Variants in MDN1 observed in about 807,000 individuals in gnomAD.
The protein encoded by MDN1 is midasin.
MDN1 carries 266 observed loss-of-function variants against 669.2 expected under a neutral mutation model. That is an observed-to-expected ratio of 0.40 (90% CI 0.36 to 0.44). The LOEUF is 0.44. Among genes scored for constraint, MDN1 ranks in the 20% least tolerant of loss-of-function variants. The pLI is 1.00. For synonymous variants in MDN1, 2,385 were observed against 2,457.1 expected (o/e 0.97, Z 0.87); for missense variants, 5,940 against 6,754.0 (o/e 0.88, Z 4.22).
At chr6:89,685,306 C>T (rs1166957742) in intron 70 of MDN1, among the ~76,000 whole-genome samples, 4 of 152,100 alleles carry the variant, frequency 2.6e-5, no homozygotes, top group African/African-American at 9.7e-5. Flanking sequence ...ATTGTAAAAT[C>T]AGCAGAAACT....
intron 9 of MDN1, among the ~76,000 whole-genome samples, chr6:89,784,744 G>A (rs910692722): frequency 6.7e-6 from 1 of 149,778 alleles, no homozygotes; most frequent in African/African-American, 2.4e-5. Flanking sequence ...TGATACTGAG[G>A]AATTACTGTT....
At chr6:89,685,191 T>C (rs576014255) in intron 70 of MDN1, among the ~76,000 whole-genome samples, 55 of 152,220 alleles carry the variant, frequency 3.6e-4, no homozygotes, top group African/African-American at 1.3e-3. Flanking sequence ...TCCCCTATTT[T>C]TCACTTCTGC....
At chr6:89,668,969 T>G (rs1021460181) in intron 83 of MDN1, among the ~76,000 whole-genome samples, 1 of 152,248 alleles carries the variant, frequency 6.6e-6, no homozygotes, top group Non-Finnish European at 1.5e-5. Flanking sequence ...CAGTTTGGCT[T>G]ACTTGCTTAA....
At chr6:89,651,633 T>G (rs913811673) in intron 95 of MDN1, among the ~76,000 whole-genome samples, 2 of 151,970 alleles carry the variant, frequency 1.3e-5, no homozygotes, top group African/African-American at 4.8e-5. Context: ...TGAAAAAAAG[T>G]AAAAATGCTA....
At chr6:89,689,392 T>G (rs1812230462) in intron 65 of MDN1, among the ~76,000 whole-genome samples, 1 of 152,186 alleles carries the variant, frequency 6.6e-6, no homozygotes, top group Non-Finnish European at 1.5e-5. Flanking sequence ...GAAAGGAAAC[T>G]TAAAGCCTCC....
At chr6:89,750,199 T>A (rs1816868361) in intron 24 of MDN1, among the ~76,000 whole-genome samples, 155 bp downstream of exon 24, 1 of 152,176 alleles carries the variant, frequency 6.6e-6, no homozygotes, top group African/African-American at 2.4e-5. Context: ...ACCTTATGCA[T>A]CACCCCTTAA....
rs951715488 is a variant in MDN1, at chr6:89,743,717, G to A, written c.4179-3C>T. ...GACAGATAGTAGTTTTCCCACACCT[G>A]TTAGAGATGTGCAACTGATTAACAA... is the stretch of plus-strand genomic sequence containing the variant. On this transcript the variant is annotated splice_polypyrimidine_tract_variant and splice_region_variant and intron_variant, in intron 29 of 101. Transcript: ENST00000369393. 3.1e-6 allele frequency: 5 copies of A among 1,613,174 alleles called. No homozygotes were observed. The African/African-American group carries it at 4.0e-5, about 13-fold the overall frequency.
chr6:89,703,696 A>G (rs1403450780), intron 53 of MDN1, among the ~76,000 whole-genome samples: 4 of 152,154 alleles, frequency 2.6e-5, no homozygotes, highest in African/African-American at 7.2e-5. Flanking sequence ...TTGAAAATCA[A>G]TGTGAACCTG....
At chr6:89,669,874 G>C (rs893042914) in intron 83 of MDN1, among the ~76,000 whole-genome samples, 1 of 151,536 alleles carries the variant, frequency 6.6e-6, no homozygotes, top group Non-Finnish European at 1.5e-5. Flanking sequence ...TCACAATACC[G>C]GGTACATGGC....
At chr6:89,722,807 T>G in intron 40 of MDN1, 148 bp downstream of exon 40, 1 of 672,736 alleles carries the variant, frequency 1.5e-6, no homozygotes, top group Non-Finnish European at 2.4e-6. Context: ...GATTATGCCA[T>G]TGCACTCCAG....
chr6:89,796,341 A>AAGC (rs1554199820), intron 2 of MDN1, among the ~76,000 whole-genome samples: 1 of 110,220 alleles, frequency 9.1e-6, no homozygotes. Flanking sequence ...AAAAAAAAAA[A>AAGC]AAAAAAAAAC....
At chr6:89,812,263 C>T (rs1389408150) in intron 1 of MDN1, among the ~76,000 whole-genome samples, 2 of 146,724 alleles carry the variant, frequency 1.4e-5, no homozygotes, top group East Asian at 2.0e-4. Context: ...GGATTACAGG[C>T]GTGAGCCACC....
chr6:89,648,100 T>G lies in MDN1; in HGVS notation c.16327A>C (p.Ser5443Arg), dbSNP rs1209482541. The G allele has an allele frequency of 1.2e-6, 2 of 1,614,230 alleles. No individual in the cohort carries two copies. Among genetic ancestry groups the G allele is most frequent in the South Asian group, 2.2e-5 (2 of 91,086 alleles). The change falls in exon 99 of 102, where the codon AGT becomes CGT. Residue 5443 changes from serine to arginine, a missense_variant. By Grantham distance (110) the Ser-to-Arg change is moderately radical (BLOSUM62 -1). Around this residue, in one of 5 missense-constraint regions of MDN1, gnomAD observed 2,280 missense variants for 2,576.3 expected, o/e 0.88. Transcript: ENST00000369393. ...AGAATCTGGGACCCAGAGTAATCAC[T>G]GAACTGCTCATGAAATGGGTGTAAC... ...KLLHPFHEQF[S>R]DYSGSQILRL...
chr6:89,710,732 G>A lies in MDN1; in HGVS notation c.7714C>T (p.Leu2572Phe). 2 of 1,602,830 alleles carry A rather than the reference G, an allele frequency of 1.2e-6. No homozygotes were observed. The highest frequency in any genetic ancestry group is 1.7e-6 in the Non-Finnish European group (2 of 1,175,898). The change falls in exon 50 of 102, where the codon CTC (leucine) becomes TTC (phenylalanine). Residue 2572 changes from leucine (L) to phenylalanine (F), a missense_variant. Around this residue, in one of 5 missense-constraint regions of MDN1, gnomAD observed 2,292 missense variants for 2,638.3 expected, o/e 0.87. Transcript: ENST00000369393. ...AAAACATTACTGACTGCACCTGAGA[G>A]GGAATGTGAGTAAAAATTCCTGAGA... is the stretch of plus-strand genomic sequence containing the variant. ...ASLRNFYSHS[L>F]SGAVSNVFKI... is the part of the protein sequence containing the mutation.
At chr6:89,727,544 A>C (rs1815317130) in intron 37 of MDN1, among the ~76,000 whole-genome samples, 2 of 152,220 alleles carry the variant, frequency 1.3e-5, no homozygotes, top group African/African-American at 2.4e-5. Flanking sequence ...ATAAATGCAG[A>C]AACGGCAAGC....
intron 15 of MDN1, among the ~76,000 whole-genome samples, chr6:89,767,217 C>T (rs1817842889): frequency 6.6e-6 from 1 of 152,142 alleles, no homozygotes; most frequent in Non-Finnish European, 1.5e-5. Flanking sequence ...GGTCTACATG[C>T]TGCTTACCAG....
chr6:89,687,584 T>C (rs1037831834), intron 67 of MDN1, 146 bp from the exon 68 acceptor site: 107 of 669,144 alleles, frequency 1.6e-4, no homozygotes, highest in Non-Finnish European at 5.8e-5. Context: ...ATTTACAGTG[T>C]ATCAGCTTCA....
intron 66 of MDN1, among the ~76,000 whole-genome samples, 176 bp from the exon 67 acceptor site, chr6:89,688,349 C>G (rs756325603): frequency 6.6e-6 from 1 of 151,956 alleles, no homozygotes; most frequent in Non-Finnish European, 1.5e-5. Context: ...AACTCCTGAC[C>G]AACAAATAAA....
At chr6:89,738,934 A>G (rs1816145103) in intron 32 of MDN1, among the ~76,000 whole-genome samples, 1 of 152,236 alleles carries the variant, frequency 6.6e-6, no homozygotes, top group Non-Finnish European at 1.5e-5. Flanking sequence ...CTCTTGAATA[A>G]CAAGAAATTG....
Sources: gnomAD v4.1 joint callset for allele counts (sites outside exome capture counted in the v4.1 genomes callset) on GRCh38, gnomAD v4.1.1 for gene constraint, gnomAD v4.1.1 regional missense constraint, MANE v1.5 for transcripts, NCBI Gene and HGNC (gene_info 2026-07-23, HGNC 2026-07-21) for gene names.